The following TDRD3 variants were observed in gnomAD, a reference collection of about 807,000 sequenced individuals.
The protein encoded by TDRD3 is tudor domain-containing protein 3.
TDRD3 carries 45 observed loss-of-function variants against 86.7 expected under a neutral mutation model. The ratio of observed to expected loss-of-function variants is 0.52; its 90% CI spans 0.41 to 0.67. TDRD3 has a LOEUF of 0.67. Among genes scored for constraint, TDRD3 ranks in the 30% least tolerant of loss-of-function variants. The probability of loss-of-function intolerance (pLI) is 0.00; values close to 1 mark genes in which losing one functional copy is unlikely to be tolerated. For synonymous variants in TDRD3, 298 were observed against 301.7 expected, an observed-to-expected ratio of 0.99 and a Z score of 0.13; for missense variants, 814 against 889.0, an observed-to-expected ratio of 0.92 and a Z score of 1.07.
chr13:60,513,253 G>C lies in TDRD3; in HGVS notation c.1141+2498G>C, dbSNP rs1957097372. ...GGGATGCAGGGCACCAAGTCCCTAG[G>C]CTGCACATAGCATGGGGACCCTGGG... On this transcript the variant is annotated intron_variant, in intron 10 of 13. Transcript: ENST00000377881. Among the ~76,000 whole-genome samples the C allele has an allele frequency of 2.0e-5, 3 of 152,156 alleles. No homozygotes were observed. The South Asian group carries it at 6.2e-4, about 32-fold the overall frequency.
At chr13:60,498,409 G>C (rs921369596) in intron 8 of TDRD3, among the ~76,000 whole-genome samples, 2 of 152,170 alleles carry the variant, frequency 1.3e-5, no homozygotes, top group African/African-American at 4.8e-5. Context: ...CGTGGCTACT[G>C]TAATGGACGG....
At chr13:60,490,520 T>G (rs547060905) in intron 7 of TDRD3, among the ~76,000 whole-genome samples, 2 of 152,144 alleles carry the variant, frequency 1.3e-5, no homozygotes, top group Non-Finnish European at 2.9e-5. Flanking sequence ...GTAAAGACAT[T>G]GTACTTCATT....
intron 1 of TDRD3, among the ~76,000 whole-genome samples, chr13:60,413,722 TTACTC>T (rs1268453031): frequency 2.0e-5 from 3 of 152,138 alleles, no homozygotes; most frequent in Non-Finnish European, 4.4e-5. Flanking sequence ...TTGATGCCCT[TTACTC>T]TATTTTAGAT....
At chr13:60,423,364 A>G (rs1954713653) in intron 1 of TDRD3, among the ~76,000 whole-genome samples, 1 of 152,184 alleles carries the variant, frequency 6.6e-6, no homozygotes, top group Non-Finnish European at 1.5e-5. Context: ...TTTCATTACT[A>G]GTAATGATAG....
intron 5 of TDRD3, among the ~76,000 whole-genome samples, chr13:60,472,721 T>G (rs1956098320): frequency 6.6e-6 from 1 of 152,180 alleles, no homozygotes; most frequent in Non-Finnish European, 1.5e-5. Context: ...GTACCCTTGT[T>G]TACAGCGGCA....
intron 12 of TDRD3, among the ~76,000 whole-genome samples, chr13:60,541,875 G>A (rs1957824155): frequency 6.6e-6 from 1 of 151,558 alleles, no homozygotes; most frequent in Non-Finnish European, 1.5e-5. Flanking sequence ...TTACAGGCAT[G>A]GGCCACCATG....
rs142077526 is a variant in TDRD3 at position 60,506,871 on chromosome 13, A to G, written c.859-2892A>G. 4.1e-3 allele frequency among the ~76,000 whole-genome samples: 621 copies of G among 152,372 alleles called. 6 individuals are homozygous for G. Among genetic ancestry groups the G allele is most frequent in the Middle Eastern group, 0.01 (3 of 294 alleles). On this transcript the variant is annotated intron_variant, in intron 8 of 13. Coordinates refer to ENST00000377881, the MANE Select transcript of TDRD3 (RefSeq NM_001146070.2). ...ACATAACAATATTAGCCTTAAATGT[A>G]AATGGGCTAAATGTCCCTATTAAAA...
chr13:60,500,711 G>A (rs1401444907), intron 8 of TDRD3, among the ~76,000 whole-genome samples: 1 of 152,230 alleles, frequency 6.6e-6, no homozygotes, highest in East Asian at 1.9e-4. Context: ...CAGGGACTTG[G>A]AAGAAGCATG....
chr13:60,418,871 T>C (rs1226580253), intron 1 of TDRD3, among the ~76,000 whole-genome samples: 1 of 152,256 alleles, frequency 6.6e-6, no homozygotes, highest in Non-Finnish European at 1.5e-5. Flanking sequence ...TGAGATTCAT[T>C]CATATTCTTG....
intron 1 of TDRD3, among the ~76,000 whole-genome samples, chr13:60,420,872 A>G (rs2137869370): frequency 6.6e-6 from 1 of 152,286 alleles, no homozygotes. Flanking sequence ...TGAACCCAGG[A>G]GGCGGAGCTT....
intron 3 of TDRD3, among the ~76,000 whole-genome samples, chr13:60,458,233 G>A (rs1013927276): frequency 6.6e-6 from 1 of 152,150 alleles, no homozygotes; most frequent in African/African-American, 2.4e-5. Context: ...CCCTGTGTTT[G>A]CATCAATGGC....
intron 12 of TDRD3, among the ~76,000 whole-genome samples, chr13:60,550,982 G>C (rs1298594036): frequency 6.6e-6 from 1 of 152,122 alleles, no homozygotes; most frequent in Non-Finnish European, 1.5e-5. Context: ...TGTCTGTTGA[G>C]AGTAGAAAGT....
chr13:60,404,196 T>A (rs1436712674), intron 1 of TDRD3, among the ~76,000 whole-genome samples: 1 of 152,056 alleles, frequency 6.6e-6, no homozygotes, highest in African/African-American at 2.4e-5. Flanking sequence ...GCACTGTATA[T>A]GTTTTCTTTA....
chr13:60,520,382 T>C lies in TDRD3; in HGVS notation c.1142-7985T>C, dbSNP rs143900181. 4.5e-3 allele frequency among the ~76,000 whole-genome samples: 686 copies of C among 152,318 alleles called. 5 individuals carry two copies. The highest frequency in any genetic ancestry group is 0.016 in the African/African-American group (663 of 41,574). On this transcript the variant is annotated intron_variant, in intron 10 of 13. Transcript: ENST00000377881. ...TGAAATTAATAATTAATGTTGATTATGGCTTTACTTAGAAGTTAAGCAGGT... is the reference window on the plus strand; with the variant it reads ...TGAAATTAATAATTAATGTTGATTACGGCTTTACTTAGAAGTTAAGCAGGT...
At chr13:60,472,940 A>G (rs1422594658) in intron 5 of TDRD3, among the ~76,000 whole-genome samples, 1 of 152,194 alleles carries the variant, frequency 6.6e-6, no homozygotes, top group African/African-American at 2.4e-5. Flanking sequence ...AATGGAATTC[A>G]GTATGGAAAG....
At position 60,515,091 on chromosome 13, in the gene TDRD3, T is replaced by A. The variant is rs140435253; in HGVS notation, c.1141+4336T>A. On this transcript the variant is annotated intron_variant, in intron 10 of 13. Coordinates refer to ENST00000377881, the MANE Select transcript of TDRD3 (RefSeq NM_001146070.2). ...CATAGGAATGCTTACTTTCAAAGGA[T>A]TTCATCATTTACTTAATGTAAAACA... 5.0e-3 allele frequency among the ~76,000 whole-genome samples: 758 copies of A among 152,300 alleles called. 3 individuals are homozygous for A. Among genetic ancestry groups the A allele is most frequent in the Middle Eastern group, 0.024 (7 of 294 alleles).
chr13:60,569,143 A>AT (rs1467511792), intron 13 of TDRD3, among the ~76,000 whole-genome samples: 1 of 151,814 alleles, frequency 6.6e-6, no homozygotes, highest in South Asian at 2.1e-4. Flanking sequence ...TGATTTTTGT[A>AT]TTTTTTGTGG....
intron 1 of TDRD3, among the ~76,000 whole-genome samples, chr13:60,414,027 T>C (rs1367472420): frequency 6.6e-6 from 1 of 152,146 alleles, no homozygotes; most frequent in Non-Finnish European, 1.5e-5. Flanking sequence ...CATATTCTTG[T>C]TGAAATGTTG....
chr13:60,534,050 C>T lies in TDRD3; in HGVS notation c.1993-1058C>T, dbSNP rs117594782. Among the ~76,000 whole-genome samples, 755 of 152,274 alleles carry T rather than the reference C, an allele frequency of 5.0e-3. 3 individuals are homozygous for T. The highest frequency in any genetic ancestry group is 0.024 in the Middle Eastern group (7 of 294). ...TATTGGCCAGACATAGTGGCTCATG[C>T]TTGTAATCCCAACACTTTGGGAGGC... On this transcript the variant is annotated intron_variant, in intron 11 of 13. Transcript: ENST00000377881.
Sources: gnomAD v4.1 joint callset for allele counts (sites outside exome capture counted in the v4.1 genomes callset) on GRCh38, gnomAD v4.1.1 for gene constraint, MANE v1.5 for transcripts, NCBI Gene and HGNC (gene_info 2026-07-23, HGNC 2026-07-21) for gene names.